Variants in ATXN3 observed in about 807,000 individuals in gnomAD.
ATXN3 encodes ataxin 3, also known as ataxin-3.
In ATXN3, 28 loss-of-function variants were observed where a neutral mutation model predicts 58.2. The ratio of observed to expected loss-of-function variants is 0.48; its 90% CI spans 0.36 to 0.66. ATXN3 has a LOEUF of 0.66. Ranked by LOEUF, ATXN3 falls within the 30% of genes least tolerant of loss-of-function variation. The pLI is 0.00. For synonymous variants in ATXN3, 113 were observed against 138.5 expected (o/e 0.82, Z 1.29); for missense variants, 321 against 422.1 (o/e 0.76, Z 2.10).
chr14:92,093,649 A>T, intron 4 of ATXN3, 97 bp downstream of exon 4: 1 of 991,992 alleles, frequency 1.0e-6, no homozygotes, highest in Non-Finnish European at 1.5e-6. Flanking sequence ...ACATCAAAAC[A>T]AAAGTATTCA....
chr14:92,100,618 G>A (rs746622903), intron 1 of ATXN3, among the ~76,000 whole-genome samples: 15 of 152,038 alleles, frequency 9.9e-5, no homozygotes, highest in Non-Finnish European at 2.1e-4. Context: ...GGACAGAATC[G>A]AAAGGGTATA....
At chr14:92,104,922 C>CAA (rs11308589) in intron 1 of ATXN3, among the ~76,000 whole-genome samples, 1 of 124,786 alleles carries the variant, frequency 8.0e-6, no homozygotes. Context: ...AACTCCATCT[C>CAA]AAAAAAAAAA....
upstream of ATXN3, among the ~76,000 whole-genome samples, chr14:92,051,053 C>A (rs944047252): frequency 3.3e-5 from 5 of 152,152 alleles, no homozygotes; most frequent in African/African-American, 1.2e-4. Flanking sequence ...TTGCCATTTT[C>A]TTATTAATTT....
chr14:92,057,192 TG>T (rs1164433349), downstream of ATXN3, among the ~76,000 whole-genome samples: 1 of 152,066 alleles, frequency 6.6e-6, no homozygotes, highest in African/African-American at 2.4e-5. Flanking sequence ...CCAAGGCGGG[TG>T]GATCACGAAG....
chr14:92,080,234 C>T (rs1008317371), intron 9 of ATXN3, among the ~76,000 whole-genome samples: 2 of 152,144 alleles, frequency 1.3e-5, no homozygotes, highest in African/African-American at 4.8e-5. Flanking sequence ...ACAGGACTGC[C>T]TGAAGCGGCC....
intron 1 of ATXN3, among the ~76,000 whole-genome samples, chr14:92,049,229 GAAGT>G (rs368945267): frequency 6.6e-6 from 1 of 152,146 alleles, no homozygotes; most frequent in African/African-American, 2.4e-5. Flanking sequence ...CATAGTGAAG[GAAGT>G]AAGTTTAAAG....
chr14:92,074,259 G>A (rs1345003189), intron 9 of ATXN3, among the ~76,000 whole-genome samples: 17 of 151,340 alleles, frequency 1.1e-4, no homozygotes, highest in Admixed American at 1.1e-3. Flanking sequence ...GCTGGGAGGC[G>A]GAGGCTGCAG....
In ATXN3 at chr14:92,096,430, CTGACCAACA is replaced by C. The variant is rs1011858446; in HGVS notation, c.189+235_189+243del. The C allele has an allele frequency of 1.5e-5, 13 of 861,094 alleles. No individual in the cohort carries two copies. The Admixed American group carries it at 3.8e-4, about 25-fold the overall frequency. The allele number at this position is 861,094 out of a possible 1,614,324, so 53.3% of individuals were successfully genotyped here. On this transcript the variant is annotated intron_variant, in intron 2 of 10. Transcript: ENST00000644486. Reference sequence around the variant, plus strand: ...ATAAGGTCAGGAGTTTGAGACCAACCTGACCAACATGGTGAAACCCCATCTCTAACAAAG... The same window carrying C: ...ATAAGGTCAGGAGTTTGAGACCAACCTGGTGAAACCCCATCTCTAACAAAG...
chr14:92,096,221 C>T (rs1024409805), intron 2 of ATXN3, 84 bp from the exon 3 acceptor site: 12 of 1,611,644 alleles, frequency 7.4e-6, no homozygotes, highest in Non-Finnish European at 1.0e-5. Flanking sequence ...ATATTTAAAA[C>T]AATATCTTGT....
chr14:92,076,156 A>G (rs886191121), intron 9 of ATXN3, among the ~76,000 whole-genome samples: 22 of 152,090 alleles, frequency 1.4e-4, no homozygotes, highest in Non-Finnish European at 5.9e-5. Flanking sequence ...ACTACTATAA[A>G]AAGTTCAGGC....
chr14:92,105,636 A>G (rs1229520450), intron 1 of ATXN3, among the ~76,000 whole-genome samples: 1 of 152,208 alleles, frequency 6.6e-6, no homozygotes, highest in Non-Finnish European at 1.5e-5. Flanking sequence ...ACATGATACC[A>G]TGTGCCAAAG....
rs532290325 is a variant in ATXN3, at chr14:92,059,333, A to C, written c.*4987T>G. ...TTTAAGACTAAAAAAATACAAAGCC[A>C]GGTCATTTTTTAAAGCAAAAAGATG... On this transcript the variant is annotated 3_prime_UTR_variant, in exon 11 of 11. Coordinates refer to ENST00000644486, the MANE Select transcript of ATXN3 (RefSeq NM_004993.6). The C allele has an allele frequency of 1.3e-5, 2 of 152,346 alleles. No individual in the cohort carries two copies. The highest frequency in any genetic ancestry group is 2.9e-5 in the Non-Finnish European group (2 of 68,032). The allele number at this position is 152,346 out of a possible 1,614,324, so 9.4% of individuals were successfully genotyped here. A position where few individuals can be genotyped will look rare whatever the true frequency, so the allele number is the denominator to read the frequency against.
intron 9 of ATXN3, 131 bp from the exon 10 acceptor site, chr14:92,071,184 C>A: frequency 7.5e-7 from 1 of 1,337,526 alleles, no homozygotes; most frequent in Non-Finnish European, 1.0e-6. Context: ...TAAAAGAATG[C>A]AAGAGCAGTT....
chr14:92,045,999 A>C (rs149433612), intron 2 of ATXN3, among the ~76,000 whole-genome samples: 131 of 152,278 alleles, frequency 8.6e-4, no homozygotes, highest in Non-Finnish European at 1.7e-3. Context: ...CTTCCTTTGG[A>C]AGTAAAGCGG....
At chr14:92,092,315 G>C (rs1269352097) in intron 5 of ATXN3, among the ~76,000 whole-genome samples, 1 of 152,032 alleles carries the variant, frequency 6.6e-6, no homozygotes, top group African/African-American at 2.4e-5. Flanking sequence ...CTTTTTTACT[G>C]TCCTAGCTGG....
At chr14:92,053,683 G>A (rs2057455995), downstream of ATXN3, among the ~76,000 whole-genome samples, 1 of 151,876 alleles carries the variant, frequency 6.6e-6, no homozygotes, top group East Asian at 1.9e-4. Flanking sequence ...ATTTCTTGTA[G>A]AGATGAGGTC....
intron 10 of ATXN3, among the ~76,000 whole-genome samples, chr14:92,068,313 GA>G (rs2058798728): frequency 6.6e-6 from 1 of 152,190 alleles, no homozygotes; most frequent in African/African-American, 2.4e-5. Flanking sequence ...GGCCTTTGCT[GA>G]CAGGGGTGAA....
At chr14:92,104,781 G>A (rs565927216) in intron 1 of ATXN3, among the ~76,000 whole-genome samples, 2 of 152,106 alleles carry the variant, frequency 1.3e-5, no homozygotes, top group East Asian at 3.9e-4. Flanking sequence ...AAATTAGCTG[G>A]GCGTGGTGGC....
chr14:92,083,641 C>A (rs1008726610), intron 6 of ATXN3: 6 of 336,036 alleles, frequency 1.8e-5, no homozygotes, highest in African/African-American at 1.3e-4. Context: ...CCAGTTCTCC[C>A]ACTTCCTAGC....
Sources: gnomAD v4.1 joint callset for allele counts (sites outside exome capture counted in the v4.1 genomes callset) on GRCh38, gnomAD v4.1.1 for gene constraint, MANE v1.5 for transcripts, NCBI Gene and HGNC (gene_info 2026-07-23, HGNC 2026-07-21) for gene names.